The following ADAM23 variants were observed in gnomAD, a reference collection of about 807,000 sequenced individuals.
ADAM23 encodes the protein ADAM metallopeptidase domain 23, also known as disintegrin and metalloproteinase domain-containing protein 23.
Under a neutral mutation model 120.1 loss-of-function variants are expected in ADAM23, and 33 were observed. The observed-to-expected ratio is 0.27, with a 90% CI of 0.21 to 0.37. ADAM23 has a LOEUF of 0.37. Ranked by LOEUF, ADAM23 falls within the 10% of genes least tolerant of loss-of-function variation. ADAM23 has a pLI of 1.00. For missense variants in ADAM23, 862 were observed against 1,058.2 expected (o/e 0.81, Z 2.57); for synonymous variants, 367 against 375.2 (o/e 0.98, Z 0.25).
At chr2:206,561,422 AG>A (rs1697763090) in intron 12 of ADAM23, among the ~76,000 whole-genome samples, 1 of 152,190 alleles carries the variant, frequency 6.6e-6, no homozygotes, top group African/African-American at 2.4e-5. Context: ...CGTATATATC[AG>A]GCAAATGCAG....
At chr2:206,473,077 A>C (rs1364441119) in intron 2 of ADAM23, among the ~76,000 whole-genome samples, 2 of 152,008 alleles carry the variant, frequency 1.3e-5, no homozygotes, top group African/African-American at 4.8e-5. Context: ...TTTCCCCCCT[A>C]CTTGTCATTC....
chr2:206,544,442 TA>T (rs1697353920), intron 6 of ADAM23, among the ~76,000 whole-genome samples: 1 of 152,136 alleles, frequency 6.6e-6, no homozygotes. Flanking sequence ...GGTATTATTT[TA>T]GGTTCTGGGG....
chr2:206,474,722 G>A (rs1695739605), intron 2 of ADAM23, among the ~76,000 whole-genome samples: 1 of 151,990 alleles, frequency 6.6e-6, no homozygotes, highest in Non-Finnish European at 1.5e-5. Flanking sequence ...CTAGAGGCAT[G>A]CACCACCATG....
At chr2:206,481,725 G>A (rs566348898) in intron 3 of ADAM23, among the ~76,000 whole-genome samples, 1 of 152,232 alleles carries the variant, frequency 6.6e-6, no homozygotes, top group South Asian at 2.1e-4. Context: ...GTGATGACTT[G>A]CAAATACCTA....
intron 3 of ADAM23, among the ~76,000 whole-genome samples, chr2:206,490,598 G>C (rs916951005): frequency 4.6e-5 from 7 of 152,320 alleles, no homozygotes; most frequent in Admixed American, 2.6e-4. Context: ...CCACTGTGCT[G>C]TGTGCAATAT....
At chr2:206,554,684 A>G (rs1697605825) in intron 9 of ADAM23, among the ~76,000 whole-genome samples, 1 of 152,146 alleles carries the variant, frequency 6.6e-6, no homozygotes, top group African/African-American at 2.4e-5. Context: ...CCTAGAGACT[A>G]GAAGGATTTA....
intron 14 of ADAM23, among the ~76,000 whole-genome samples, chr2:206,566,786 C>T (rs1697893256): frequency 6.6e-6 from 1 of 151,850 alleles, no homozygotes; most frequent in Non-Finnish European, 1.5e-5. Flanking sequence ...TACTGGCCCT[C>T]ACAACTCTCT....
chr2:206,604,601 T>G (rs1157180506), intron 24 of ADAM23, among the ~76,000 whole-genome samples: 1 of 152,228 alleles, frequency 6.6e-6, no homozygotes, highest in Non-Finnish European at 1.5e-5. Flanking sequence ...GCTTAGTCAA[T>G]GATAAAACTA....
At chr2:206,481,476 C>T (rs958126167) in intron 3 of ADAM23, among the ~76,000 whole-genome samples, 168 bp downstream of exon 3, 3 of 151,776 alleles carry the variant, frequency 2.0e-5, no homozygotes, top group East Asian at 1.9e-4. Context: ...TATTTTTTTC[C>T]GAAATAAAAG....
chr2:206,588,228 C>A lies in ADAM23; in HGVS notation c.1852+74C>A. ...ATAGTGTTCTTCTCTGCCAGTCTTG[C>A]TGAGAGAGATGCACAGCTTGGAGTG... On this transcript the variant is annotated intron_variant, in intron 20 of 25. Coordinates refer to ENST00000264377, the MANE Select transcript of ADAM23 (RefSeq NM_003812.4). 6 of 1,495,276 alleles carry A rather than the reference C, an allele frequency of 4.0e-6. No individual in the cohort carries two copies. The South Asian group carries it at 6.9e-5, about 17-fold the overall frequency. 92.6% of individuals were successfully genotyped at this position (1,495,276 alleles called of 1,614,324 possible).
intron 2 of ADAM23, among the ~76,000 whole-genome samples, chr2:206,477,897 A>AAAAAAATATATATATATATATAT (rs374524658): frequency 9.6e-5 from 9 of 93,564 alleles, no homozygotes; most frequent in African/African-American, 4.1e-4. Flanking sequence ...AAAAAAAAAA[A>AAAAAAATATATATATATATATAT]ATATATATAT....
At chr2:206,444,688 C>T (rs1695039353) in intron 1 of ADAM23, among the ~76,000 whole-genome samples, 1 of 152,194 alleles carries the variant, frequency 6.6e-6, no homozygotes, top group Non-Finnish European at 1.5e-5. Context: ...AAGCAGAAAG[C>T]TGGCTTTGTC....
At chr2:206,479,690 TTCTCTCTCTCTC>T (rs1186522942) in intron 2 of ADAM23, among the ~76,000 whole-genome samples, 1 of 151,158 alleles carries the variant, frequency 6.6e-6, no homozygotes, top group Non-Finnish European at 1.5e-5. Flanking sequence ...CTCTCTCTCT[TTCTCTCTCTCTC>T]TCACTCATAG....
At chr2:206,597,842 T>A (rs1698559795) in intron 24 of ADAM23, among the ~76,000 whole-genome samples, 1 of 152,212 alleles carries the variant, frequency 6.6e-6, no homozygotes, top group South Asian at 2.1e-4. Context: ...TGGGAAAAGA[T>A]GATTTCAGAT....
chr2:206,445,576 T>C, intron 2 of ADAM23, 52 bp downstream of exon 2: 1 of 1,473,380 alleles, frequency 6.8e-7, no homozygotes, highest in Non-Finnish European at 9.2e-7. Flanking sequence ...AGTTTTCCTT[T>C]GATTTGATTT....
chr2:206,523,674 T>G (rs1696890475), intron 3 of ADAM23, among the ~76,000 whole-genome samples: 1 of 152,170 alleles, frequency 6.6e-6, no homozygotes, highest in Admixed American at 6.5e-5. Flanking sequence ...AAAATTGTTA[T>G]ACTTTTAAAG....
chr2:206,477,895 AAAATATATAT>A (rs1230259152), intron 2 of ADAM23, among the ~76,000 whole-genome samples: 3 of 102,196 alleles, frequency 2.9e-5, no homozygotes, highest in African/African-American at 4.6e-5. Flanking sequence ...AAAAAAAAAA[AAAATATATAT>A]ATATATATAT....
intron 2 of ADAM23, among the ~76,000 whole-genome samples, chr2:206,476,541 T>C (rs886115608): frequency 3.9e-5 from 6 of 152,128 alleles, no homozygotes; most frequent in African/African-American, 9.7e-5. Flanking sequence ...GCACGTGCGA[T>C]GGATCTAGGT....
intron 23 of ADAM23, among the ~76,000 whole-genome samples, chr2:206,595,782 CAATTT>C (rs1286406610): frequency 6.6e-6 from 1 of 151,212 alleles, no homozygotes; most frequent in Non-Finnish European, 1.5e-5. Flanking sequence ...ATGAATAATT[CAATTT>C]AAGAATAATA....
Sources: gnomAD v4.1 joint callset for allele counts (sites outside exome capture counted in the v4.1 genomes callset) on GRCh38, gnomAD v4.1.1 for gene constraint, MANE v1.5 for transcripts, NCBI Gene and HGNC (gene_info 2026-07-23, HGNC 2026-07-21) for gene names.